FAM110B: variants seen among roughly 807,000 people sequenced by gnomAD.
The protein encoded by FAM110B is family with sequence similarity 110 member B.
A neutral mutation model predicts 20.4 loss-of-function variants in FAM110B; 6 were observed. That is an observed-to-expected ratio of 0.29 (90% CI 0.16 to 0.58). The LOEUF (loss-of-function observed/expected upper bound fraction) is 0.58, where lower values mean the gene tolerates loss of function less well. FAM110B is among the 20% of genes least tolerant of loss of function. The pLI is 0.90. For missense variants in FAM110B, 434 were observed against 498.2 expected (o/e 0.87, Z 1.23); for synonymous variants, 226 against 214.1 (o/e 1.06, Z -0.49).
intron 3 of FAM110B, among the ~76,000 whole-genome samples, chr8:58,078,748 C>T (rs1349520326): frequency 6.6e-6 from 1 of 151,770 alleles, no homozygotes; most frequent in African/African-American, 2.4e-5. Context: ...GACGGGGTTT[C>T]ACCATGTTAG....
chr8:58,015,393 G>T (rs1467211288), intron 1 of FAM110B, among the ~76,000 whole-genome samples: 1 of 151,666 alleles, frequency 6.6e-6, no homozygotes, highest in Non-Finnish European at 1.5e-5. Context: ...TCTCAGAAAA[G>T]GTGACATTAA....
At chr8:58,137,713 C>G (rs1228171251) in intron 3 of FAM110B, among the ~76,000 whole-genome samples, 3 of 152,216 alleles carry the variant, frequency 2.0e-5, no homozygotes, top group Non-Finnish European at 4.4e-5. Context: ...CTCAGGTACA[C>G]TAGCTGGAGA....
intron 3 of FAM110B, chr8:58,113,545 C>T (rs191890253): frequency 5.9e-4 from 107 of 180,126 alleles, no homozygotes; most frequent in Non-Finnish European, 1.1e-3. Context: ...AATCTTCCTG[C>T]GAATGTGGAA....
At chr8:58,080,316 A>T (rs1418468850) in intron 3 of FAM110B, among the ~76,000 whole-genome samples, 27 of 152,228 alleles carry the variant, frequency 1.8e-4, no homozygotes, top group Admixed American at 1.8e-3. Flanking sequence ...TGTCTGGTGG[A>T]ATATTAGAAT....
chr8:58,134,239 A>T (rs1803557223), intron 3 of FAM110B, among the ~76,000 whole-genome samples: 1 of 152,244 alleles, frequency 6.6e-6, no homozygotes, highest in East Asian at 1.9e-4. Flanking sequence ...TTGACAAATG[A>T]GATCAACAAT....
intron 3 of FAM110B, among the ~76,000 whole-genome samples, chr8:58,119,576 TTA>T (rs1807302938): frequency 6.6e-6 from 1 of 152,176 alleles, no homozygotes. Flanking sequence ...GTGCGTAAAT[TTA>T]TCCTTGTGAC....
chr8:58,010,340 T>A (rs1804507119), intron 1 of FAM110B, among the ~76,000 whole-genome samples: 1 of 152,080 alleles, frequency 6.6e-6, no homozygotes, highest in South Asian at 2.1e-4. Flanking sequence ...CAGTTCTTGA[T>A]GGTTGTGTCA....
At chr8:58,037,867 G>T (rs975782397) in intron 2 of FAM110B, among the ~76,000 whole-genome samples, 1 of 152,068 alleles carries the variant, frequency 6.6e-6, no homozygotes, top group Non-Finnish European at 1.5e-5. Flanking sequence ...CGTCATACCT[G>T]ACTATCTTGA....
intron 3 of FAM110B, among the ~76,000 whole-genome samples, chr8:58,139,354 T>C (rs187995213): frequency 3.3e-5 from 5 of 152,256 alleles, no homozygotes; most frequent in Admixed American, 3.3e-4. Context: ...GATTTCACCA[T>C]GGAGATAAGA....
chr8:58,068,305 A>T (rs942657645), intron 2 of FAM110B, among the ~76,000 whole-genome samples: 30 of 152,340 alleles, frequency 2.0e-4, no homozygotes, highest in African/African-American at 7.0e-4. Flanking sequence ...TTCTTTAGCC[A>T]ATTATCTCCA....
At chr8:58,138,285 C>A (rs1324979837) in intron 3 of FAM110B, among the ~76,000 whole-genome samples, 1 of 152,220 alleles carries the variant, frequency 6.6e-6, no homozygotes, top group East Asian at 1.9e-4. Flanking sequence ...TTTGGGCAGA[C>A]ATTGTTTTCT....
chr8:58,134,519 A>G (rs145606448), intron 3 of FAM110B, among the ~76,000 whole-genome samples: 1 of 152,208 alleles, frequency 6.6e-6, no homozygotes, highest in South Asian at 2.1e-4. Context: ...TTACAATATG[A>G]AAGGGTGTGC....
chr8:58,036,888 T>C (rs1805084595), intron 2 of FAM110B, among the ~76,000 whole-genome samples: 1 of 152,198 alleles, frequency 6.6e-6, no homozygotes, highest in Admixed American at 6.5e-5. Context: ...GAATTTGAAT[T>C]TTTCTTCTCC....
chr8:58,023,254 C>G (rs994944527), intron 1 of FAM110B, among the ~76,000 whole-genome samples: 4 of 152,098 alleles, frequency 2.6e-5, no homozygotes, highest in Non-Finnish European at 5.9e-5. Context: ...TTTAAAAGAT[C>G]AGCCTCCAGA....
intron 2 of FAM110B, among the ~76,000 whole-genome samples, chr8:58,049,992 T>TAAATA: frequency 6.6e-6 from 1 of 152,210 alleles, no homozygotes; most frequent in Admixed American, 6.5e-5. Context: ...CATAGAAATG[T>TAAATA]AAATAAATTA....
intron 3 of FAM110B, among the ~76,000 whole-genome samples, chr8:58,119,952 T>C (rs762754955): frequency 7.9e-5 from 12 of 152,216 alleles, no homozygotes; most frequent in African/African-American, 1.4e-4. Context: ...CTGGGAAATG[T>C]AGCCAGTAAG....
At chr8:58,048,097 G>T (rs556544931) in intron 2 of FAM110B, among the ~76,000 whole-genome samples, 1 of 152,126 alleles carries the variant, frequency 6.6e-6, no homozygotes, top group African/African-American at 2.4e-5. Context: ...GTGCTTAAGC[G>T]TAGTTCATTA....
At chr8:58,052,085 G>A (rs929000255) in intron 2 of FAM110B, among the ~76,000 whole-genome samples, 1 of 152,104 alleles carries the variant, frequency 6.6e-6, no homozygotes, top group South Asian at 2.1e-4. Flanking sequence ...TTTGACTGAA[G>A]AATTTTTAAA....
chr8:58,068,167 A>G (rs1168535052), intron 2 of FAM110B, among the ~76,000 whole-genome samples: 2 of 152,232 alleles, frequency 1.3e-5, no homozygotes, highest in Non-Finnish European at 2.9e-5. Context: ...GGCAGCCTTC[A>G]GGGAGCTGTG....
Sources: allele counts gnomAD v4.1 joint callset (sites outside exome capture counted in the v4.1 genomes callset), GRCh38; gene constraint gnomAD v4.1.1; transcripts MANE v1.5; gene names NCBI Gene and HGNC (gene_info 2026-07-23, HGNC 2026-07-21).